EPHA6: variants seen among roughly 807,000 people sequenced by gnomAD.
The protein encoded by EPHA6 is ephrin type-A receptor 6.
Under a neutral mutation model 112.0 loss-of-function variants are expected in EPHA6, and 50 were observed. The ratio of observed to expected loss-of-function variants is 0.45; its 90% CI spans 0.36 to 0.56. The LOEUF (loss-of-function observed/expected upper bound fraction) is 0.56. EPHA6 is among the 20% of genes least tolerant of loss of function. The probability of loss-of-function intolerance (pLI) is 0.00; values close to 1 mark genes in which losing one functional copy is unlikely to be tolerated. For missense variants in EPHA6, 1,280 were observed against 1,417.4 expected (o/e 0.90, Z 1.56); for synonymous variants, 529 against 490.7 (o/e 1.08, Z -1.03).
chr3:96,958,150 C>T (rs1051825127), intron 2 of EPHA6, among the ~76,000 whole-genome samples: 10 of 151,980 alleles, frequency 6.6e-5, no homozygotes, highest in Non-Finnish European at 1.2e-4. Flanking sequence ...ATTAGCCAGG[C>T]GTGGCGGGGC....
In EPHA6 at chr3:97,375,320, G is replaced by A. The variant is rs966774534; in HGVS notation, c.1607-29830G>A. ...TAATATTAGTCTCTTTCACATCACT[G>A]AGAAAATACCAGGAAGAAGAATTTC... On this transcript the variant is annotated intron_variant, in intron 5 of 17. Coordinates refer to ENST00000389672, the MANE Select transcript of EPHA6 (RefSeq NM_001080448.3). Among the ~76,000 whole-genome samples, 11 of 152,212 alleles carry A rather than the reference G, an allele frequency of 7.2e-5. 1 individual carries two copies. The highest frequency in any genetic ancestry group is 7.2e-4 in the Admixed American group (11 of 15,258).
At chr3:96,937,345 C>T (rs913397638) in intron 2 of EPHA6, among the ~76,000 whole-genome samples, 11 of 152,162 alleles carry the variant, frequency 7.2e-5, no homozygotes, top group Non-Finnish European at 1.0e-4. Flanking sequence ...ATTTGCATTT[C>T]TCTGATGGCC....
chr3:97,532,157 G>A lies in EPHA6; in HGVS notation c.2201-201G>A, dbSNP rs182403530. Among the ~76,000 whole-genome samples the A allele has an allele frequency of 6.6e-5, 10 of 152,140 alleles. No individual in the cohort carries two copies. The East Asian group carries it at 1.9e-3, about 29-fold the overall frequency. ...TTCCTGTGATATAGCACATGAAAATGCATTCCATTATTCATTAGAAGTGTT... is the reference window on the plus strand; with the variant it reads ...TTCCTGTGATATAGCACATGAAAATACATTCCATTATTCATTAGAAGTGTT... On this transcript the variant is annotated intron_variant, in intron 10 of 17. Transcript: ENST00000389672.
At chr3:97,338,054 T>C (rs1305885864) in intron 5 of EPHA6, among the ~76,000 whole-genome samples, 1 of 151,822 alleles carries the variant, frequency 6.6e-6, no homozygotes, top group Admixed American at 6.6e-5. Flanking sequence ...AGAACTGGAG[T>C]AGTATGAAGA....
chr3:97,164,471 T>A lies in EPHA6; in HGVS notation c.1115-61793T>A, dbSNP rs193181563. ...AATTTCTGAAAGTTTAAACCTCTCATGTTGCTTATTTTTCTCTCCTCTGCT... is the reference window on the plus strand; with the variant it reads ...AATTTCTGAAAGTTTAAACCTCTCAAGTTGCTTATTTTTCTCTCCTCTGCT... On this transcript the variant is annotated intron_variant, in intron 3 of 17. Coordinates refer to ENST00000389672, the MANE Select transcript of EPHA6 (RefSeq NM_001080448.3). 2.0e-5 allele frequency among the ~76,000 whole-genome samples: 3 copies of A among 152,246 alleles called. No individual in the cohort carries two copies. The East Asian group carries it at 5.8e-4, about 29-fold the overall frequency.
At chr3:97,033,284 A>T (rs910429649) in intron 3 of EPHA6, among the ~76,000 whole-genome samples, 4 of 151,990 alleles carry the variant, frequency 2.6e-5, no homozygotes, top group African/African-American at 9.7e-5. Context: ...GTGTGTACTG[A>T]TAGTAATCAA....
intron 13 of EPHA6, among the ~76,000 whole-genome samples, chr3:97,623,857 G>T (rs919668057): frequency 6.6e-6 from 1 of 151,552 alleles, no homozygotes; most frequent in African/African-American, 2.4e-5. Flanking sequence ...CTATTCCATT[G>T]GTCAATATGT....
chr3:97,658,581 C>T (rs1213884084), intron 14 of EPHA6, among the ~76,000 whole-genome samples: 2 of 151,828 alleles, frequency 1.3e-5, no homozygotes, highest in African/African-American at 4.8e-5. Flanking sequence ...GGTTTTAAGG[C>T]ACTTGGAAAC....
At position 97,592,607 on chromosome 3, in the gene EPHA6, A is replaced by T; in HGVS notation, c.2387-5A>T. 1 of 1,613,124 alleles carries T rather than the reference A, an allele frequency of 6.2e-7. No homozygotes were observed. ...TGATTAATGTCAATTTTTATCTCTTAAAAGGATCCTTCCCGGCCATTGGGG... is the reference window on the plus strand; with the variant it reads ...TGATTAATGTCAATTTTTATCTCTTTAAAGGATCCTTCCCGGCCATTGGGG... On this transcript the variant is annotated splice_polypyrimidine_tract_variant and splice_region_variant and intron_variant, in intron 11 of 17. Coordinates refer to ENST00000389672, the MANE Select transcript of EPHA6 (RefSeq NM_001080448.3).
intron 6 of EPHA6, among the ~76,000 whole-genome samples, chr3:97,439,191 A>T (rs2090007215): frequency 6.6e-6 from 1 of 152,178 alleles, no homozygotes; most frequent in South Asian, 2.1e-4. Context: ...GAAAATAGTC[A>T]TGAATGCATT....
At chr3:97,697,146 C>T (rs1229772156) in intron 14 of EPHA6, among the ~76,000 whole-genome samples, 2 of 152,126 alleles carry the variant, frequency 1.3e-5, no homozygotes, top group South Asian at 2.1e-4. Context: ...AAATGAGGGG[C>T]GCCACAACAC....
At chr3:97,435,956 A>G (rs2089811022) in intron 6 of EPHA6, among the ~76,000 whole-genome samples, 1 of 152,166 alleles carries the variant, frequency 6.6e-6, no homozygotes, top group African/African-American at 2.4e-5. Context: ...GAACTACAAA[A>G]ACCTTTTGTG....
intron 7 of EPHA6, among the ~76,000 whole-genome samples, chr3:97,470,385 A>G (rs1283643262): frequency 6.6e-6 from 1 of 151,768 alleles, no homozygotes; most frequent in Non-Finnish European, 1.5e-5. Flanking sequence ...TTAAAAATTC[A>G]TATTAACTAC....
intron 5 of EPHA6, among the ~76,000 whole-genome samples, chr3:97,325,966 G>T (rs2082399469): frequency 6.6e-6 from 1 of 151,870 alleles, no homozygotes; most frequent in Admixed American, 6.6e-5. Context: ...CATTACCATA[G>T]GATTATTCAA....
chr3:97,218,177 G>A (rs531244943), intron 3 of EPHA6, among the ~76,000 whole-genome samples: 1 of 152,022 alleles, frequency 6.6e-6, no homozygotes, highest in South Asian at 2.1e-4. Flanking sequence ...AGGCTGATGT[G>A]GGAGGACCAC....
chr3:96,942,557 C>T lies in EPHA6; in HGVS notation c.451-44773C>T, dbSNP rs186110315. Among the ~76,000 whole-genome samples the T allele has an allele frequency of 2.2e-4, 34 of 152,344 alleles. No individual in the cohort carries two copies. In the Middle Eastern group the frequency reaches 0.01, roughly 46 times the overall value. ...GGAAAGGGAACTCCCTGACTCCTTG[C>T]GCTTCCCGAGTGAGGCAATGCCTTG... On this transcript the variant is annotated intron_variant, in intron 2 of 17. Transcript: ENST00000389672.
At position 97,664,921 on chromosome 3, in the gene EPHA6, C is replaced by A. The variant is rs941930367; in HGVS notation, c.2784+26839C>A. 3.9e-5 allele frequency among the ~76,000 whole-genome samples: 6 copies of A among 152,254 alleles called. No individual in the cohort carries two copies. The South Asian group carries it at 8.3e-4, about 21-fold the overall frequency. On this transcript the variant is annotated intron_variant, in intron 14 of 17. Transcript: ENST00000389672. ...AGGTAATTTATAGATTCAATGCCAA[C>A]CCCATCAAGCTACCAATGACTTTCT...
chr3:96,864,720 T>G (rs865924458), intron 1 of EPHA6, among the ~76,000 whole-genome samples: 4 of 152,088 alleles, frequency 2.6e-5, no homozygotes, highest in Non-Finnish European at 4.4e-5. Context: ...ATCTAACTGA[T>G]AAGACATGGG....
chr3:97,149,240 T>C (rs1309504588), intron 3 of EPHA6, among the ~76,000 whole-genome samples: 1 of 152,108 alleles, frequency 6.6e-6, no homozygotes, highest in Non-Finnish European at 1.5e-5. Flanking sequence ...AGGACTTTGA[T>C]GCACATGGCC....
Sources: gnomAD v4.1 joint callset for allele counts (sites outside exome capture counted in the v4.1 genomes callset) on GRCh38, gnomAD v4.1.1 for gene constraint, MANE v1.5 for transcripts, NCBI Gene and HGNC (gene_info 2026-07-23, HGNC 2026-07-21) for gene names.